The following MYH13 variants were observed in gnomAD, a reference collection of about 807,000 sequenced individuals.
MYH13 encodes myosin-13.
A neutral mutation model predicts 232.1 loss-of-function variants in MYH13; 177 were observed. That is an observed-to-expected ratio of 0.76 (90% CI 0.67 to 0.86). MYH13 has a LOEUF of 0.86. Ranked by LOEUF, MYH13 falls within the 40% of genes least tolerant of loss-of-function variation. The pLI, the probability that MYH13 is intolerant of heterozygous loss-of-function variation, is 0.00. For synonymous variants in MYH13, 884 were observed against 923.5 expected, an observed-to-expected ratio of 0.96 and a Z score of 0.78; for missense variants, 2,246 against 2,405.9, an observed-to-expected ratio of 0.93 and a Z score of 1.39.
intron 29 of MYH13, among the ~76,000 whole-genome samples, chr17:10,315,168 G>T (rs1397441225): frequency 1.3e-5 from 2 of 152,214 alleles, no homozygotes; most frequent in Admixed American, 6.5e-5. Flanking sequence ...GGACAGAGGA[G>T]GCCAGGGGAT....
intron 23 of MYH13, among the ~76,000 whole-genome samples, chr17:10,322,918 C>T (rs1907024517): frequency 1.3e-5 from 2 of 152,194 alleles, no homozygotes; most frequent in South Asian, 4.1e-4. Flanking sequence ...CAGGCATAAG[C>T]CACCGCACCT....
rs1424134217 is a variant in MYH13, at chr17:10,303,431, T to C, written c.5534A>G (p.His1845Arg). 6.2e-7 allele frequency: 1 copy of C among 1,614,012 alleles called. No homozygotes were observed. The highest frequency in any genetic ancestry group is 1.1e-5 in the South Asian group (1 of 91,082). ...KRGAEALKGA[H>R]KYERKVKEMT... ...CTCCTTGACTTTGCGTTCGTACTTG[T>C]GGGCTCCCTTCAGGGCTTCAGCTCC... Residue 1845 changes from histidine to arginine, a missense_variant, in exon 38 of 41, where the codon CAC becomes CGC. Coordinates refer to ENST00000252172, the MANE Select transcript of MYH13 (RefSeq NM_003802.3).
chr17:10,345,279 A>C lies in MYH13; in HGVS notation c.1507T>G (p.Tyr503Asp). 9 of 1,613,926 alleles carry C rather than the reference A, an allele frequency of 5.6e-6. No individual in the cohort carries two copies. The highest frequency in any genetic ancestry group is 7.6e-6 in the Non-Finnish European group (9 of 1,179,966). The part of the protein sequence containing the change: ...HHMFVLEQEE[Y>D]KKEGIEWEFI... Reference sequence around the variant, plus strand: ...TCCCACTCGATGCCTTCCTTCTTGTACTCTTCCTGCTCCAGCACGAACATG... The same window carrying C: ...TCCCACTCGATGCCTTCCTTCTTGTCCTCTTCCTGCTCCAGCACGAACATG... Residue 503 changes from tyrosine to aspartate, a missense_variant, in exon 15 of 41, where the codon TAC becomes GAC. By Grantham distance (160) the Tyr-to-Asp change is radical (BLOSUM62 -3). Transcript: ENST00000252172.
At chr17:10,355,030 A>C (rs1239765484) in intron 9 of MYH13, 37 bp from the exon 10 acceptor site, 13 of 1,609,384 alleles carry the variant, frequency 8.1e-6, no homozygotes, top group Non-Finnish European at 1.0e-5. Context: ...CAGGCTCCCA[A>C]GAGATGCTTT....
intron 39 of MYH13, 65 bp from the exon 40 acceptor site, chr17:10,301,768 T>A: frequency 6.3e-7 from 1 of 1,579,690 alleles, no homozygotes. Flanking sequence ...AGGTGCCCTG[T>A]CTCTGAAGGC....
chr17:10,340,263 A>T, intron 17 of MYH13, 26 bp from the exon 18 acceptor site: 1 of 1,613,672 alleles, frequency 6.2e-7, no homozygotes, highest in Non-Finnish European at 8.5e-7. Context: ...AAACAAGCAC[A>T]TTTAGCAACT....
intron 9 of MYH13, 38 bp from the exon 10 acceptor site, chr17:10,355,031 G>T: frequency 6.2e-7 from 1 of 1,610,634 alleles, no homozygotes; most frequent in Non-Finnish European, 8.5e-7. Flanking sequence ...AGGCTCCCAA[G>T]AGATGCTTTT....
chr17:10,357,540 C>G (rs2071758276), intron 8 of MYH13, among the ~76,000 whole-genome samples, 195 bp downstream of exon 8: 1 of 152,114 alleles, frequency 6.6e-6, no homozygotes, highest in South Asian at 2.1e-4. Flanking sequence ...ACGGCAAATC[C>G]TCCCTCTGCC....
chr17:10,371,337 C>T (rs1883046857), intron 1 of MYH13, 78 bp from the exon 2 acceptor site: 1 of 152,018 alleles, frequency 6.6e-6, no homozygotes, highest in South Asian at 2.1e-4. Flanking sequence ...ATATAGAAAC[C>T]ATGTTTGTTC....
At chr17:10,318,707 G>C (rs1042444224) in intron 27 of MYH13, 83 bp downstream of exon 27, 15 of 1,552,360 alleles carry the variant, frequency 9.7e-6, no homozygotes, top group Admixed American at 1.7e-5. Context: ...CAGTGGTTTG[G>C]AGGCATCAAA....
intron 27 of MYH13, chr17:10,317,817 C>T (rs550073548): frequency 6.6e-6 from 1 of 152,246 alleles, no homozygotes; most frequent in Non-Finnish European, 1.5e-5. Flanking sequence ...GAAGGCATTT[C>T]TGGCAAATGG....
Position 10,303,494 on chromosome 17 carries a change from C to G in MYH13, c.5471G>C (p.Arg1824Pro), listed in dbSNP as rs374874203. ...KQIQKLENRV[R>P]ELENELDVEQ... is the part of the protein sequence containing the mutation. ...CACATCAAGCTCATTTTCCAGCTCC[C>G]GCACCTGAGTAGGATGAAAGGAACA... is the stretch of plus-strand genomic sequence containing the variant. Residue 1824 changes from arginine to proline, a missense_variant, in exon 38 of 41, where the codon CGG becomes CCG. Arg to Pro is a moderately radical substitution (Grantham distance 103). Coordinates refer to ENST00000252172, the MANE Select transcript of MYH13 (RefSeq NM_003802.3). The G allele has an allele frequency of 1.9e-6, 3 of 1,613,668 alleles. No individual in the cohort carries two copies. Among genetic ancestry groups the G allele is most frequent in the Non-Finnish European group, 2.5e-6 (3 of 1,179,634 alleles).
At position 10,321,736 on chromosome 17, in the gene MYH13, A is replaced by G. The variant is rs774552639; in HGVS notation, c.2935-28T>C. 5.1e-6 allele frequency: 8 copies of G among 1,577,152 alleles called. No individual in the cohort carries two copies. The Admixed American group carries it at 7.2e-5, about 14-fold the overall frequency. ...GGGACAATATTAACACCGATTTAAT[A>G]TGGAAACGATTATGCCAGAAGCTTC... On this transcript the variant is annotated intron_variant, in intron 23 of 40. Coordinates refer to ENST00000252172, the MANE Select transcript of MYH13 (RefSeq NM_003802.3).
intron 12 of MYH13, among the ~76,000 whole-genome samples, chr17:10,347,820 G>A (rs2071678150): frequency 6.9e-6 from 1 of 145,212 alleles, no homozygotes; most frequent in Non-Finnish European, 1.5e-5. Flanking sequence ...CTGGGTTCAC[G>A]CCATTCTCCT....
intron 33 of MYH13, 32 bp from the exon 34 acceptor site, chr17:10,309,862 C>A: frequency 6.6e-7 from 1 of 1,509,698 alleles, no homozygotes; most frequent in South Asian, 1.3e-5. Context: ...TTGAGAGTGC[C>A]GTGGACATCC....
At chr17:10,317,909 C>T (rs1906774514) in intron 27 of MYH13, 1 of 152,192 alleles carries the variant, frequency 6.6e-6, no homozygotes, top group Non-Finnish European at 1.5e-5. Context: ...TATCAACTTT[C>T]ATGCCTAATT....
At position 10,319,943 on chromosome 17, in the gene MYH13, G is replaced by T. The variant is rs1336093061; in HGVS notation, c.3348+210C>A. On this transcript the variant is annotated intron_variant, in intron 26 of 40. Coordinates refer to ENST00000252172, the MANE Select transcript of MYH13 (RefSeq NM_003802.3). ...TAACAATAATATTTAGCTTTACTGG[G>T]CCTATTTTGAGCCTTTGCAAGGAAG... Among the ~76,000 whole-genome samples, 3 of 152,104 alleles carry T rather than the reference G, an allele frequency of 2.0e-5. 1 individual carries two copies. The highest frequency in any genetic ancestry group is 7.2e-5 in the African/African-American group (3 of 41,412).
chr17:10,366,203 G>A (rs539797415), intron 2 of MYH13, among the ~76,000 whole-genome samples: 4 of 151,394 alleles, frequency 2.6e-5, no homozygotes, highest in South Asian at 2.1e-4. Context: ...TTCCCCCTCG[G>A]CACCTCTTCC....
Position 10,311,990 on chromosome 17 carries a change from T to C in MYH13, c.4452A>G (p.Glu1484=). The change falls in exon 32 of 41, where the codon GAA becomes GAG. Residue 1484 remains glutamate, a synonymous_variant. Coordinates refer to ENST00000252172, the MANE Select transcript of MYH13 (RefSeq NM_003802.3). Reference sequence around the variant, plus strand: ...CATAGGCATTCCTCATCTTGAAGAGTTCAGTGCTGAGTGACCTGGACTCCT... The same window carrying C: ...CATAGGCATTCCTCATCTTGAAGAGCTCAGTGCTGAGTGACCTGGACTCCT... ...AQKESRSLST[E]LFKMRNAYEE... 6.2e-7 allele frequency: 1 copy of C among 1,613,938 alleles called. No homozygotes were observed. The highest frequency in any genetic ancestry group is 8.5e-7 in the Non-Finnish European group (1 of 1,179,882).
Sources: gnomAD v4.1 joint callset for allele counts (sites outside exome capture counted in the v4.1 genomes callset) on GRCh38, gnomAD v4.1.1 for gene constraint, MANE v1.5 for transcripts, NCBI Gene and HGNC (gene_info 2026-07-23, HGNC 2026-07-21) for gene names.